GNB2: variants seen among roughly 807,000 people sequenced by gnomAD.
GNB2 encodes the protein guanine nucleotide-binding protein G(I)/G(S)/G(T) subunit beta-2.
Under a neutral mutation model 40.7 loss-of-function variants are expected in GNB2, and 7 were observed. That is an observed-to-expected ratio of 0.17 (90% CI 0.10 to 0.32). The LOEUF (loss-of-function observed/expected upper bound fraction) is 0.32. Among genes scored for constraint, GNB2 ranks in the 10% least tolerant of loss-of-function variants. The pLI is 1.00. For synonymous variants in GNB2, 254 were observed against 191.2 expected (o/e 1.33, Z -2.71); for missense variants, 286 against 473.0 (o/e 0.60, Z 3.67).
At position 100,677,835 on chromosome 7, in the gene GNB2, G is replaced by GCTGGGCAGT. The variant is rs1445841541; in HGVS notation, c.497+25_497+33dup. 2 of 1,608,684 alleles carry GCTGGGCAGT rather than the reference G, an allele frequency of 1.2e-6. No individual in the cohort carries two copies. Among genetic ancestry groups the GCTGGGCAGT allele is most frequent in the Non-Finnish European group, 1.7e-6 (2 of 1,175,930 alleles). On this transcript the variant is annotated intron_variant, in intron 7 of 9. Transcript: ENST00000303210. ...TACCACCTGGTGAGGCTCTGCCAGG[G>GCTGGGCAGT]CTGGGCAGTCTGGGCAAACCCACAC...
chr7:100,674,513 C>T (rs1804309069), intron 1 of GNB2, among the ~76,000 whole-genome samples: 1 of 151,978 alleles, frequency 6.6e-6, no homozygotes, highest in Non-Finnish European at 1.5e-5. Flanking sequence ...GGCGCCCGCC[C>T]CCCGCCCAGC....
chr7:100,676,198 G>T lies in GNB2; in HGVS notation c.-68G>T, dbSNP rs925711824. Reference sequence around the variant, plus strand: ...CCAGGCCTCGGGCCAGCGGCCAGGAGCTGCCTCCCCCAGCCCCCGTCCCGC... The same window carrying T: ...CCAGGCCTCGGGCCAGCGGCCAGGATCTGCCTCCCCCAGCCCCCGTCCCGC... On this transcript the variant is annotated 5_prime_UTR_variant, in exon 2 of 10. Transcript: ENST00000303210. The T allele has an allele frequency of 6.4e-6, 6 of 937,594 alleles. No individual in the cohort carries two copies. The highest frequency in any genetic ancestry group is 9.8e-6 in the Non-Finnish European group (6 of 611,654). 58.1% of individuals were successfully genotyped at this position (937,594 alleles called of 1,614,324 possible).
rs758428726 is a variant in GNB2, at chr7:100,678,132, G to C, written c.532G>C (p.Val178Leu). The C allele has an allele frequency of 6.2e-7, 1 of 1,613,970 alleles. No homozygotes were observed. Among genetic ancestry groups the C allele is most frequent in the Non-Finnish European group, 8.5e-7 (1 of 1,179,802 alleles). The change falls in exon 8 of 10, where the codon GTG (valine) becomes CTG (leucine). Residue 178 changes from valine to leucine, a missense_variant. By Grantham distance (32) the Val-to-Leu change is conservative. Transcript: ENST00000303210. ...LWDIETGQQT[V>L]GFAGHSGDVM... ...GGACATTGAGACAGGCCAGCAGACAGTGGGTTTTGCTGGACACAGTGGGGA... is the reference window on the plus strand; with the variant it reads ...GGACATTGAGACAGGCCAGCAGACACTGGGTTTTGCTGGACACAGTGGGGA...
Position 100,678,729 on chromosome 7 carries a change from C to T in GNB2, c.951C>T (p.Cys317=). ...VLAGHDNRVS[C]LGVTDDGMAV... ...CTGGCCACGACAACCGCGTGAGCTG[C>T]CTCGGGGTCACCGACGATGGCATGG... Residue 317 remains cysteine (C), a synonymous_variant, in exon 10 of 10, where the codon TGC becomes TGT. Transcript: ENST00000303210. The T allele has an allele frequency of 6.2e-7, 1 of 1,613,788 alleles. No homozygotes were observed. Among genetic ancestry groups the T allele is most frequent in the Non-Finnish European group, 8.5e-7 (1 of 1,179,994 alleles).
chr7:100,678,736 G>A lies in GNB2; in HGVS notation c.958G>A (p.Val320Ile). 1.9e-6 allele frequency: 3 copies of A among 1,613,820 alleles called. No individual in the cohort carries two copies. The highest frequency in any genetic ancestry group is 2.5e-6 in the Non-Finnish European group (3 of 1,180,008). ...CGACAACCGCGTGAGCTGCCTCGGG[G>A]TCACCGACGATGGCATGGCTGTGGC... ...GHDNRVSCLG[V>I]TDDGMAVATG... The change falls in exon 10 of 10, where the codon GTC (valine) becomes ATC (isoleucine). Residue 320 changes from valine (V) to isoleucine (I), a missense_variant. By Grantham distance (29) the Val-to-Ile change is conservative. Transcript: ENST00000303210.
chr7:100,677,093 G>A (rs1804366443), intron 4 of GNB2: 1 of 594,180 alleles, frequency 1.7e-6, no homozygotes, highest in Admixed American at 3.0e-5. Context: ...GGGCAACATA[G>A]TGAGACCCTG....
chr7:100,675,615 G>A (rs549478658), intron 1 of GNB2: 10 of 152,474 alleles, frequency 6.6e-5, no homozygotes, highest in African/African-American at 2.2e-4. Flanking sequence ...CTTGGCAACG[G>A]GGCTAGGGTG....
intron 1 of GNB2, chr7:100,675,652 C>G (rs1040748187): frequency 6.6e-6 from 1 of 152,464 alleles, no homozygotes; most frequent in Admixed American, 6.5e-5. Flanking sequence ...GAGGTGCTCT[C>G]GGTCCGGGTG....
intron 1 of GNB2, among the ~76,000 whole-genome samples, chr7:100,674,945 T>G (rs1190305973): frequency 6.6e-6 from 1 of 152,138 alleles, no homozygotes; most frequent in African/African-American, 2.4e-5. Flanking sequence ...GGGTCACCCC[T>G]TGGCACTGGC....
At chr7:100,674,243 G>T (rs112001966) in intron 1 of GNB2, among the ~76,000 whole-genome samples, 1 of 38,588 alleles carries the variant, frequency 2.6e-5, no homozygotes, top group Non-Finnish European at 5.8e-5. Flanking sequence ...GCCCCGCCCC[G>T]CCCCCTTTCC....
rs1804403091 is a variant in GNB2 at position 100,678,276 on chromosome 7, G to A, written c.676G>A (p.Glu226Lys). ...SMCRQTFIGH[E>K]SDINAVAFFP... Reference sequence around the variant, plus strand: ...GTGCCGACAGACCTTCATCGGCCATGAATCCGACATCAATGCAGTGGCTGT... The same window carrying A: ...GTGCCGACAGACCTTCATCGGCCATAAATCCGACATCAATGCAGTGGCTGT... Residue 226 changes from glutamate (E) to lysine (K), a missense_variant, in exon 8 of 10, where the codon GAA (glutamate) becomes AAA (lysine). Glu to Lys is a moderately conservative substitution (Grantham distance 56). Transcript: ENST00000303210. The A allele has an allele frequency of 1.9e-6, 3 of 1,613,790 alleles. No homozygotes were observed. The highest frequency in any genetic ancestry group is 2.5e-6 in the Non-Finnish European group (3 of 1,179,920).
At chr7:100,675,782 A>T in intron 1 of GNB2, 1 of 157,550 alleles carries the variant, frequency 6.3e-6, no homozygotes, top group Non-Finnish European at 1.4e-5. Flanking sequence ...GTGAATTTCA[A>T]GAGGCACCGC....
intron 6 of GNB2, 44 bp downstream of exon 6, chr7:100,677,704 G>A (rs1169516334): frequency 1.9e-6 from 3 of 1,612,346 alleles, no homozygotes; most frequent in East Asian, 2.2e-5. Context: ...GGGTTGGGGG[G>A]TGCACTGCCC....
chr7:100,673,879 C>T lies in GNB2; in HGVS notation c.-134C>T, dbSNP rs1326812068. On this transcript the variant is annotated 5_prime_UTR_variant, in exon 1 of 10. Coordinates refer to ENST00000303210, the MANE Select transcript of GNB2 (RefSeq NM_005273.4). ...CCGCCGCGGAGGAAGACAGCGCCGCCCGCGCACCGCCAGCGACCTCCGCCG... is the reference window on the plus strand; with the variant it reads ...CCGCCGCGGAGGAAGACAGCGCCGCTCGCGCACCGCCAGCGACCTCCGCCG... The T allele has an allele frequency of 2.2e-5, 4 of 183,434 alleles. No individual in the cohort carries two copies. Among genetic ancestry groups the T allele is most frequent in the East Asian group, 1.5e-4 (1 of 6,726 alleles). 11.4% of individuals were successfully genotyped at this position (183,434 alleles called of 1,614,324 possible).
At chr7:100,674,375 AC>A (rs1302922008) in intron 1 of GNB2, among the ~76,000 whole-genome samples, 2 of 151,130 alleles carry the variant, frequency 1.3e-5, no homozygotes, top group African/African-American at 4.9e-5. Flanking sequence ...GCCGCGCGCC[AC>A]CCTTCCTTTC....
Position 100,678,113 on chromosome 7 carries a change from T to C in GNB2, c.513T>C (p.Ile171=). 1 of 1,613,166 alleles carries C rather than the reference T, an allele frequency of 6.2e-7. No individual in the cohort carries two copies. The highest frequency in any genetic ancestry group is 1.1e-5 in the South Asian group (1 of 91,078). ...ACCTCTCCAGTGCCCTGTGGGACAT[T>C]GAGACAGGCCAGCAGACAGTGGGTT... ...SGDTTCALWD[I]ETGQQTVGFA... Residue 171 remains isoleucine (I), a synonymous_variant, in exon 8 of 10, where the codon ATT becomes ATC. Transcript: ENST00000303210.
chr7:100,678,366 C>A, intron 8 of GNB2, 32 bp from the exon 9 acceptor site: 1 of 1,606,020 alleles, frequency 6.2e-7, no homozygotes, highest in East Asian at 2.2e-5. Context: ...CTCACCCTCA[C>A]CCTCACCCCA....
chr7:100,676,354 G>A lies in GNB2; in HGVS notation c.57+32G>A, dbSNP rs765407867. 1.9e-6 allele frequency: 3 copies of A among 1,569,378 alleles called. No homozygotes were observed. In the African/African-American group the frequency reaches 4.0e-5, roughly 21 times the overall value. On this transcript the variant is annotated intron_variant, in intron 2 of 9. Transcript: ENST00000303210. Reference sequence around the variant, plus strand: ...GCCTGGTGCGGGGCGGGCGATTCATGTGTACACCGCCCGGTGCCCTGGACC... The same window carrying A: ...GCCTGGTGCGGGGCGGGCGATTCATATGTACACCGCCCGGTGCCCTGGACC...
chr7:100,674,936 G>A (rs1454401758), intron 1 of GNB2, among the ~76,000 whole-genome samples: 3 of 152,160 alleles, frequency 2.0e-5, no homozygotes, highest in Admixed American at 6.5e-5. Flanking sequence ...CGATTTTGAG[G>A]GTCACCCCTT....
Sources: allele counts gnomAD v4.1 joint callset (sites outside exome capture counted in the v4.1 genomes callset), GRCh38; gene constraint gnomAD v4.1.1; transcripts MANE v1.5; gene names NCBI Gene and HGNC (gene_info 2026-07-23, HGNC 2026-07-21).